SYAP1: variants seen among roughly 807,000 people sequenced by gnomAD.
The protein encoded by SYAP1 is synapse-associated protein 1.
In SYAP1, 3 loss-of-function variants were observed where a neutral mutation model predicts 29.6. The observed-to-expected ratio is 0.10, with a 90% CI of 0.05 to 0.26. The LOEUF is 0.26. Ranked by LOEUF, SYAP1 falls within the 10% of genes least tolerant of loss-of-function variation. SYAP1 has a pLI of 1.00. For synonymous variants in SYAP1, 102 were observed against 102.7 expected, an observed-to-expected ratio of 0.99 and a Z score of 0.04; for missense variants, 217 against 264.1, an observed-to-expected ratio of 0.82 and a Z score of 1.24.
intron 3 of SYAP1, among the ~76,000 whole-genome samples, chrX:16,737,672 C>T (rs774971208): frequency 3.1e-3 from 343 of 111,364 alleles, no homozygotes; most frequent in Non-Finnish European, 4.9e-3. Flanking sequence ...TTAGACATCC[C>T]GGAGATAGGA....
chrX:16,729,497 T>C (rs1298409876), intron 1 of SYAP1, among the ~76,000 whole-genome samples: 2 of 108,902 alleles, frequency 1.8e-5, no homozygotes, highest in Non-Finnish European at 3.8e-5. Context: ...TTTTTTTTTT[T>C]TTTTTAGAGA....
chrX:16,722,453 G>C (rs756249646), intron 1 of SYAP1, among the ~76,000 whole-genome samples: 1 of 109,001 alleles, frequency 9.2e-6, no homozygotes, highest in Admixed American at 9.8e-5. Context: ...GCTTGAACCC[G>C]GGAGGCGGAG....
intron 5 of SYAP1, among the ~76,000 whole-genome samples, chrX:16,747,727 C>T (rs1302801299): frequency 8.8e-6 from 1 of 113,161 alleles, no homozygotes; most frequent in African/African-American, 3.2e-5. Context: ...TTTCCTCCTA[C>T]TAATTTTGTT....
chrX:16,738,316 G>A (rs1210827740), intron 3 of SYAP1, among the ~76,000 whole-genome samples: 1 of 111,906 alleles, frequency 8.9e-6, no homozygotes, highest in African/African-American at 3.2e-5. Context: ...CTGGGTGGCT[G>A]AGGCGCAAGA....
At chrX:16,725,553 A>G (rs1483714879) in intron 1 of SYAP1, among the ~76,000 whole-genome samples, 1 of 111,921 alleles carries the variant, frequency 8.9e-6, no homozygotes, top group Non-Finnish European at 1.9e-5. Flanking sequence ...AAATTAATAA[A>G]TCACTTCTTG....
At chrX:16,737,384 CA>C (rs975823962) in intron 3 of SYAP1, among the ~76,000 whole-genome samples, 4 of 108,795 alleles carry the variant, frequency 3.7e-5, no homozygotes, top group African/African-American at 1.3e-4. Flanking sequence ...GACCCTGTCT[CA>C]AAAAAAAAGT....
chrX:16,735,494 C>T, intron 2 of SYAP1, 149 bp downstream of exon 2: 1 of 399,121 alleles, frequency 2.5e-6, no homozygotes, highest in Non-Finnish European at 4.3e-6. Context: ...GTTTTTTCCT[C>T]TCTTTGAATA....
At chrX:16,723,461 C>G (rs1021852367) in intron 1 of SYAP1, among the ~76,000 whole-genome samples, 3 of 111,615 alleles carry the variant, frequency 2.7e-5, no homozygotes, top group Non-Finnish European at 5.6e-5. Context: ...AGACCTGAGG[C>G]TGTGGGGTAG....
At chrX:16,722,607 C>T (rs1925990568) in intron 1 of SYAP1, among the ~76,000 whole-genome samples, 1 of 110,915 alleles carries the variant, frequency 9.0e-6, no homozygotes, top group Admixed American at 9.7e-5. Context: ...CAAGACTGGA[C>T]ACTAAATACT....
At chrX:16,751,009 C>T (rs926891034) in intron 5 of SYAP1, among the ~76,000 whole-genome samples, 1 of 108,424 alleles carries the variant, frequency 9.2e-6, no homozygotes, top group Non-Finnish European at 1.9e-5. Flanking sequence ...TCAGGTGATC[C>T]GCCCTCCTTA....
chrX:16,760,028 A>G (rs565144260), intron 8 of SYAP1, among the ~76,000 whole-genome samples: 1 of 112,748 alleles, frequency 8.9e-6, no homozygotes, highest in Non-Finnish European at 1.9e-5. Context: ...CTTCTACATT[A>G]ACAGATTTAT....
rs779857518 is a variant in SYAP1, at chrX:16,719,822, C to T, written c.98C>T (p.Thr33Met). The T allele has an allele frequency of 3.4e-5, 41 of 1,197,314 alleles. No homozygotes were observed. In the South Asian group the frequency reaches 4.5e-4, roughly 13 times the overall value. Residue 33 changes from threonine to methionine, a missense_variant, in exon 1 of 9, where the codon ACG becomes ATG. By Grantham distance (81) the Thr-to-Met change is moderately conservative. Coordinates refer to ENST00000380155, the MANE Select transcript of SYAP1 (RefSeq NM_032796.4). ...GCTCCACCCGAGCAGCCGTCCGAGACGGTGGCTGAGTCTGCGGAGGAGGAG... is the reference window on the plus strand; with the variant it reads ...GCTCCACCCGAGCAGCCGTCCGAGATGGTGGCTGAGTCTGCGGAGGAGGAG... Reference protein sequence around the residue: ...GDAPPEQPSETVAESAEEELQ... With the variant: ...GDAPPEQPSEMVAESAEEELQ...
chrX:16,745,302 G>A (rs114580820), intron 5 of SYAP1, among the ~76,000 whole-genome samples: 14 of 111,932 alleles, frequency 1.3e-4, no homozygotes, highest in South Asian at 1.1e-3. Context: ...CTGTGCCACC[G>A]GTCCCTGAGT....
intron 1 of SYAP1, among the ~76,000 whole-genome samples, chrX:16,726,286 C>A (rs775739957): frequency 2.6e-4 from 29 of 111,621 alleles, no homozygotes; most frequent in African/African-American, 9.4e-4. Flanking sequence ...TCTGGAGCCT[C>A]AGTAAATTTA....
intron 1 of SYAP1, among the ~76,000 whole-genome samples, chrX:16,720,796 T>C (rs1350893128): frequency 9.0e-6 from 1 of 111,034 alleles, no homozygotes; most frequent in Non-Finnish European, 1.9e-5. Flanking sequence ...GGGCGGATCA[T>C]GAGGTCAGCA....
chrX:16,751,409 G>A (rs1427840456), intron 5 of SYAP1, among the ~76,000 whole-genome samples: 147 of 98,545 alleles, frequency 1.5e-3, no homozygotes, highest in African/African-American at 4.6e-3. Context: ...CCAAGATCAC[G>A]CTATTGCACA....
At chrX:16,722,097 G>A (rs1355618146) in intron 1 of SYAP1, among the ~76,000 whole-genome samples, 1 of 112,345 alleles carries the variant, frequency 8.9e-6, no homozygotes, top group East Asian at 2.8e-4. Context: ...GAGATGATCA[G>A]ATATTTTTTA....
At chrX:16,745,690 C>T (rs1164333122) in intron 5 of SYAP1, among the ~76,000 whole-genome samples, 1 of 106,301 alleles carries the variant, frequency 9.4e-6, no homozygotes, top group Non-Finnish European at 1.9e-5. Flanking sequence ...GCACCAAGAT[C>T]GTACCATTTG....
intron 5 of SYAP1, among the ~76,000 whole-genome samples, chrX:16,747,752 A>C (rs1012049286): frequency 8.9e-6 from 1 of 112,941 alleles, no homozygotes; most frequent in Non-Finnish European, 1.9e-5. Flanking sequence ...ATTACTTAGA[A>C]ATTATAGTTT....
Sources: allele counts gnomAD v4.1 joint callset (sites outside exome capture counted in the v4.1 genomes callset), GRCh38; gene constraint gnomAD v4.1.1; transcripts MANE v1.5; gene names NCBI Gene and HGNC (gene_info 2026-07-23, HGNC 2026-07-21).